Variants in ORC4 observed in about 807,000 individuals in gnomAD.
ORC4 encodes the protein origin recognition complex subunit 4, also known as origin recognition complex, subunit 4 homolog.
ORC4 carries 55 observed loss-of-function variants against 63.9 expected under a neutral mutation model. The ratio of observed to expected loss-of-function variants is 0.86; its 90% confidence interval spans 0.69 to 1.08. The LOEUF (loss-of-function observed/expected upper bound fraction) is 1.08. Ranked by LOEUF, ORC4 falls within the 50% of genes least tolerant of loss-of-function variation. ORC4 has a pLI of 0.00. For synonymous variants in ORC4, 150 were observed against 168.5 expected (o/e 0.89, Z 0.85); for missense variants, 511 against 504.4 (o/e 1.01, Z -0.13).
At position 147,930,890 on chromosome 2, in the gene ORC4, T is replaced by C. The variant is rs1278803183; in HGVS notation, c.*4620A>G. ...TTTTTTTATACTTTAAGTTTTAGGG[T>C]ACATGTGCACATTGTGCAGGTTAGT... is the stretch of plus-strand genomic sequence containing the variant. On this transcript the variant is annotated 3_prime_UTR_variant, in exon 14 of 14. Coordinates refer to ENST00000392857, the MANE Select transcript of ORC4 (RefSeq NM_181741.4). 6.6e-6 allele frequency: 1 copy of C among 151,316 alleles called. No homozygotes were observed. Among genetic ancestry groups the C allele is most frequent in the African/African-American group, 2.4e-5 (1 of 40,964 alleles). 9.4% of individuals were successfully genotyped at this position (151,316 alleles called of 1,614,324 possible).
intron 1 of ORC4, among the ~76,000 whole-genome samples, chr2:148,020,344 C>G (rs1693623534): frequency 6.6e-6 from 1 of 152,216 alleles, no homozygotes; most frequent in Non-Finnish European, 1.5e-5. Context: ...CTCTCTTACA[C>G]TCGGACCGTC....
intron 10 of ORC4, among the ~76,000 whole-genome samples, chr2:147,939,471 A>G (rs913160641): frequency 1.3e-5 from 2 of 152,100 alleles, no homozygotes; most frequent in Admixed American, 6.6e-5. Context: ...GCTCTCTCTA[A>G]CCCATCCCAG....
rs575182914 is a variant in ORC4, at chr2:147,939,557, T to C, written c.850-309A>G. On this transcript the variant is annotated intron_variant, in intron 10 of 13. Transcript: ENST00000392857. ...TAGGTCAAGGAGAAGAAACTGAAAA[T>C]AATTAAGAATACTTACTAATAAAAG... 2.0e-5 allele frequency among the ~76,000 whole-genome samples: 3 copies of C among 152,086 alleles called. No individual in the cohort carries two copies. In the East Asian group the frequency reaches 5.8e-4, roughly 29 times the overall value.
At position 147,945,314 on chromosome 2, in the gene ORC4, C is replaced by T. The variant is rs1198762664; in HGVS notation, c.763-1792G>A. 3.3e-5 allele frequency among the ~76,000 whole-genome samples: 5 copies of T among 152,164 alleles called. No individual in the cohort carries two copies. The East Asian group carries it at 9.7e-4, about 29-fold the overall frequency. On this transcript the variant is annotated intron_variant, in intron 9 of 13. Transcript: ENST00000392857. The stretch of plus-strand genomic sequence containing the variant: ...ATCTCTTTATTTTTTAGTGGTTTGA[C>T]TCCAATTCCCCCTCTTTCTAAAAGC...
chr2:147,939,094 C>A lies in ORC4; in HGVS notation c.958+46G>T, dbSNP rs1198874891. The A allele has an allele frequency of 2.7e-6, 3 of 1,128,766 alleles. No individual in the cohort carries two copies. In the South Asian group the frequency reaches 3.7e-5, roughly 14 times the overall value. 69.9% of individuals were successfully genotyped at this position (1,128,766 alleles called of 1,614,324 possible). ...TTAAAAACATTCCATTATCTAAATT[C>A]AAAGTTTTAAAAACCACAATTTAAA... is the stretch of plus-strand genomic sequence containing the variant. On this transcript the variant is annotated intron_variant, in intron 11 of 13. Transcript: ENST00000392857.
rs1691735111 is a variant in ORC4, at chr2:147,993,284, G to C, written c.-17-17309C>G. Among the ~76,000 whole-genome samples, 2 of 152,106 alleles carry C rather than the reference G, an allele frequency of 1.3e-5. 1 individual carries two copies. The highest frequency in any genetic ancestry group is 4.1e-4 in the South Asian group (2 of 4,828). On this transcript the variant is annotated intron_variant, in intron 1 of 13. Transcript: ENST00000392857. ...CAAAGAACCTTCAGAGGCTGAAAGGGAAGTTTTTTCTTGGCCCCTACAATA... is the reference window on the plus strand; with the variant it reads ...CAAAGAACCTTCAGAGGCTGAAAGGCAAGTTTTTTCTTGGCCCCTACAATA...
intron 8 of ORC4, 103 bp downstream of exon 8, chr2:147,952,270 T>A (rs1332416738): frequency 1.2e-6 from 1 of 864,326 alleles, no homozygotes; most frequent in Admixed American, 2.6e-5. Flanking sequence ...GAAACAAAAT[T>A]TTTAAAATGA....
In ORC4 at chr2:147,955,401, C is replaced by A. The variant is rs1361938874; in HGVS notation, c.388-6G>T. On this transcript the variant is annotated splice_polypyrimidine_tract_variant and splice_region_variant and intron_variant, in intron 6 of 13. Transcript: ENST00000392857. ...AGGTTTTCAGCAAAGCTTCCCTGAA[C>A]AACAAAATGAGATAAAATGATTAAA... The A allele has an allele frequency of 1.3e-6, 2 of 1,595,232 alleles. No homozygotes were observed.
At position 147,958,822 on chromosome 2, in the gene ORC4, C is replaced by T. The variant is rs1195194457; in HGVS notation, c.270G>A (p.Val90=). 2 of 1,465,344 alleles carry T rather than the reference C, an allele frequency of 1.4e-6. No individual in the cohort carries two copies. Among genetic ancestry groups the T allele is most frequent in the Non-Finnish European group, 1.9e-6 (2 of 1,046,336 alleles). The allele number at this position is 1,465,344 out of a possible 1,614,324, so 90.8% of individuals were successfully genotyped here. Residue 90 remains valine, a synonymous_variant, in exon 5 of 14, where the codon GTG becomes GTA. Coordinates refer to ENST00000392857, the MANE Select transcript of ORC4 (RefSeq NM_181741.4). ...AGTGAACTTGTAATACATTTTCACT[C>T]ACTTCTTCTATTTCCATGAGTTCTT... The part of the protein sequence containing the change: ...ALKELMEIEE[V]SENVLQVHLN...
intron 12 of ORC4, 22 bp from the exon 13 acceptor site, chr2:147,938,235 C>T: frequency 6.2e-7 from 1 of 1,604,154 alleles, no homozygotes; most frequent in Non-Finnish European, 8.5e-7. Context: ...GCAATGACAA[C>T]ATTATACCTT....
At chr2:147,976,479 T>G (rs1202564622) in intron 1 of ORC4, among the ~76,000 whole-genome samples, 1 of 152,200 alleles carries the variant, frequency 6.6e-6, no homozygotes, top group Non-Finnish European at 1.5e-5. Context: ...GGTCTGGAAC[T>G]GAACCTACAA....
In ORC4 at chr2:147,960,241, C is replaced by A. The variant is rs998140794; in HGVS notation, c.226-1375G>T. 11 of 985,108 alleles carry A rather than the reference C, an allele frequency of 1.1e-5. No individual in the cohort carries two copies. In the South Asian group the frequency reaches 5.2e-4, roughly 46 times the overall value. The allele number at this position is 985,108 out of a possible 1,614,324, so 61.0% of individuals were successfully genotyped here. A position where few individuals can be genotyped will look rare whatever the true frequency, so the allele number is the denominator to read the frequency against. On this transcript the variant is annotated intron_variant, in intron 4 of 13. Transcript: ENST00000392857. ...TATAGCTTTCTTTCCACTCAACTTA[C>A]TTTAAACACCAACTTATGCTTTGCT...
intron 1 of ORC4, among the ~76,000 whole-genome samples, chr2:148,015,272 T>TTTTGCA (rs1693205289): frequency 6.6e-6 from 1 of 151,798 alleles, no homozygotes. Flanking sequence ...TAATTGTGGT[T>TTTTGCA]TTTGCATTGT....
chr2:148,020,295 A>T (rs1693619995), intron 1 of ORC4, among the ~76,000 whole-genome samples: 1 of 152,204 alleles, frequency 6.6e-6, no homozygotes, highest in Non-Finnish European at 1.5e-5. Flanking sequence ...TCCGTCCTGC[A>T]GTCATGAGGG....
At chr2:147,950,676 A>T (rs935211697) in intron 8 of ORC4, among the ~76,000 whole-genome samples, 1 of 151,884 alleles carries the variant, frequency 6.6e-6, no homozygotes, top group African/African-American at 2.4e-5. Context: ...AAGGCAGGAG[A>T]ATTGCTTGAA....
intron 1 of ORC4, among the ~76,000 whole-genome samples, chr2:147,979,949 A>T (rs1474332756): frequency 6.6e-6 from 1 of 152,160 alleles, no homozygotes; most frequent in Non-Finnish European, 1.5e-5. Flanking sequence ...GACAAACATA[A>T]GACCTGAAAC....
intron 9 of ORC4, among the ~76,000 whole-genome samples, chr2:147,943,813 A>G (rs552095666): frequency 6.6e-6 from 1 of 152,150 alleles, no homozygotes; most frequent in East Asian, 1.9e-4. Context: ...CAGTCATACT[A>G]GTGAAATGAA....
At chr2:147,953,445 GAC>G (rs1250518033) in intron 7 of ORC4, among the ~76,000 whole-genome samples, 1 of 152,070 alleles carries the variant, frequency 6.6e-6, no homozygotes, top group Non-Finnish European at 1.5e-5. Context: ...TTATAAAATT[GAC>G]AGAGTTTTCT....
chr2:148,006,094 A>T (rs1329341690), intron 1 of ORC4, among the ~76,000 whole-genome samples: 1 of 152,202 alleles, frequency 6.6e-6, no homozygotes, highest in East Asian at 1.9e-4. Context: ...AGGGTAGGAA[A>T]GACAGTCTTG....
Sources: gnomAD v4.1 joint callset for allele counts (sites outside exome capture counted in the v4.1 genomes callset) on GRCh38, gnomAD v4.1.1 for gene constraint, MANE v1.5 for transcripts, NCBI Gene and HGNC (gene_info 2026-07-23, HGNC 2026-07-21) for gene names.